The following GAK variants were observed in gnomAD, a reference collection of about 807,000 sequenced individuals.
GAK encodes cyclin G associated kinase.
Under a neutral mutation model 143.9 loss-of-function variants are expected in GAK, and 79 were observed. The observed-to-expected ratio is 0.55, with a 90% CI of 0.46 to 0.66. The LOEUF is 0.66. Among genes scored for constraint, GAK ranks in the 30% least tolerant of loss-of-function variants. The pLI is 0.00. For synonymous variants in GAK, 881 were observed against 765.5 expected (o/e 1.15, Z -2.49); for missense variants, 1,693 against 1,779.7 (o/e 0.95, Z 0.88).
chr4:923,921 A>G lies in GAK; in HGVS notation c.145+8122T>C, dbSNP rs569164529. On this transcript the variant is annotated intron_variant, in intron 1 of 27. Transcript: ENST00000314167. Reference sequence around the variant, plus strand: ...ACAAAAAGGCCAGGCGCCGTGGCTCATGCCTGTAATCCCAGCACTTTGGGA... The same window carrying G: ...ACAAAAAGGCCAGGCGCCGTGGCTCGTGCCTGTAATCCCAGCACTTTGGGA... Among the ~76,000 whole-genome samples, 4 of 152,298 alleles carry G rather than the reference A, an allele frequency of 2.6e-5. No homozygotes were observed. The East Asian group carries it at 7.7e-4, about 29-fold the overall frequency.
rs150706546 is a variant in GAK, at chr4:867,163, C to T, written c.2665G>A (p.Glu889Lys). The T allele has an allele frequency of 5.6e-5, 90 of 1,602,580 alleles. No individual in the cohort carries two copies. The highest frequency in any genetic ancestry group is 2.0e-4 in the African/African-American group (15 of 74,748). Residue 889 changes from glutamate to lysine, a missense_variant, in exon 21 of 28, where the codon GAG (glutamate) becomes AAG (lysine). Physicochemically the swap from Glu to Lys is moderately conservative, Grantham distance 56. Around this residue, in one of 2 missense-constraint regions of GAK, gnomAD observed 822 missense variants for 788.7 expected, o/e 1.04. Transcript: ENST00000314167. ...DGVDLLGLHS[E>K]VGAGPAVPPQ... is the part of the protein sequence containing the mutation. ...GGTACAGCTGGCCCTGCGCCCACCT[C>T]GGAGTGCAGGCCCAGGAGGTCGACC...
chr4:913,643 A>G lies in GAK; in HGVS notation c.171T>C (p.Ala57=), dbSNP rs983151630. The G allele has an allele frequency of 6.2e-7, 1 of 1,613,730 alleles. No individual in the cohort carries two copies. The highest frequency in any genetic ancestry group is 2.2e-5 in the East Asian group (1 of 44,888). ...AEGGFAFVYE[A]QDVGSGREYA... ...ACTCTCTGCCACTCCCCACATCTTG[A>G]GCTTCATACACAAATGCAAACCCTC... The change falls in exon 2 of 28, where the codon GCT becomes GCC. Residue 57 remains alanine, a synonymous_variant. Coordinates refer to ENST00000314167, the MANE Select transcript of GAK (RefSeq NM_005255.4).
chr4:910,823 G>A (rs1030305079), intron 4 of GAK, among the ~76,000 whole-genome samples: 3 of 152,042 alleles, frequency 2.0e-5, no homozygotes, highest in Admixed American at 2.0e-4. Context: ...AGGCCTCCCC[G>A]AGTGCTCGAC....
chr4:858,601 T>C (rs542783079), intron 24 of GAK, among the ~76,000 whole-genome samples: 3 of 152,134 alleles, frequency 2.0e-5, no homozygotes, highest in South Asian at 4.2e-4. Context: ...CCTCAAGACA[T>C]AGTAAATCCC....
intron 15 of GAK, among the ~76,000 whole-genome samples, chr4:880,331 G>C (rs549250080): frequency 1.3e-5 from 2 of 152,358 alleles, no homozygotes; most frequent in African/African-American, 4.8e-5. Context: ...TGCCCCACTG[G>C]ACCGTGCACT....
intron 1 of GAK, among the ~76,000 whole-genome samples, chr4:924,197 A>AC (rs34624153): frequency 6.6e-6 from 1 of 151,282 alleles, no homozygotes; most frequent in Non-Finnish European, 1.5e-5. Context: ...AAAAAAAAAA[A>AC]TTGCTGAACA....
At chr4:902,612 A>AAAAAAAAAAAAAC (rs1560401696) in intron 5 of GAK, among the ~76,000 whole-genome samples, 1 of 143,834 alleles carries the variant, frequency 7.0e-6, no homozygotes, top group African/African-American at 2.6e-5. Flanking sequence ...AAAAAAAAAA[A>AAAAAAAAAAAAAC]AACCCCAAAA....
chr4:914,435 T>C (rs1213102716), intron 1 of GAK, among the ~76,000 whole-genome samples: 4 of 63,692 alleles, frequency 6.3e-5, no homozygotes, highest in Non-Finnish European at 8.3e-5. Flanking sequence ...AGCCCCAGCG[T>C]GCACGGCCCC....
intron 16 of GAK, 118 bp from the exon 17 acceptor site, chr4:877,325 G>T: frequency 1.4e-6 from 1 of 737,608 alleles, no homozygotes; most frequent in Non-Finnish European, 2.3e-6. Context: ...AACCAATAAA[G>T]AATAACCCCC....
intron 11 of GAK, chr4:888,535 C>G (rs757564085): frequency 1.2e-4 from 40 of 327,714 alleles, no homozygotes; most frequent in Non-Finnish European, 1.7e-4. Context: ...ACCCAATTTA[C>G]AGAGTCCCGG....
intron 24 of GAK, among the ~76,000 whole-genome samples, chr4:857,282 C>T (rs764819768): frequency 2.6e-5 from 4 of 152,144 alleles, no homozygotes; most frequent in Non-Finnish European, 4.4e-5. Context: ...TTTCCCTTTC[C>T]GGTGCTGTTT....
intron 24 of GAK, among the ~76,000 whole-genome samples, chr4:855,858 G>A (rs1749030098): frequency 6.6e-6 from 1 of 152,252 alleles, no homozygotes; most frequent in African/African-American, 2.4e-5. Context: ...AGGAGGCTGA[G>A]GCGGGAGAAT....
At position 915,825 on chromosome 4, in the gene GAK, A is replaced by G. The variant is rs529644151; in HGVS notation, c.146-2157T>C. 11 of 152,330 alleles carry G rather than the reference A, an allele frequency of 7.2e-5. No individual in the cohort carries two copies. The South Asian group carries it at 2.3e-3, about 32-fold the overall frequency. 9.4% of individuals were successfully genotyped at this position (152,330 alleles called of 1,614,324 possible). A position where few individuals can be genotyped will look rare whatever the true frequency, so the allele number is the denominator to read the frequency against. On this transcript the variant is annotated intron_variant, in intron 1 of 27. Coordinates refer to ENST00000314167, the MANE Select transcript of GAK (RefSeq NM_005255.4). ...GAAGGAGGCGGGGATCCTTGTTCTC[A>G]CCACTGATGGTCGACACTGTGAGGA...
intron 11 of GAK, 34 bp from the exon 12 acceptor site, chr4:884,120 A>G (rs1715751876): frequency 6.3e-7 from 1 of 1,591,670 alleles, no homozygotes; most frequent in Non-Finnish European, 8.6e-7. Flanking sequence ...TGGTTATGAC[A>G]AGAAACACTC....
At chr4:930,217 T>C (rs1212990849) in intron 1 of GAK, among the ~76,000 whole-genome samples, 1 of 152,192 alleles carries the variant, frequency 6.6e-6, no homozygotes, top group Non-Finnish European at 1.5e-5. Flanking sequence ...TTTCACACTC[T>C]GTTTCAGTTC....
chr4:856,580 TCAC>T (rs33966084), intron 24 of GAK, among the ~76,000 whole-genome samples: 2,110 of 71,418 alleles, frequency 0.03, 90 homozygotes, highest in East Asian at 0.23. Flanking sequence ...CCACAGCTGC[TCAC>T]CACCACAGGT....
At chr4:859,330 C>A (rs1005917196) in intron 24 of GAK, 23 of 1,390,136 alleles carry the variant, frequency 1.7e-5, no homozygotes, top group Admixed American at 6.5e-5. Flanking sequence ...CCGATGGCCC[C>A]CATGGCCCTG....
intron 18 of GAK, among the ~76,000 whole-genome samples, chr4:875,091 C>T (rs1713567336): frequency 6.6e-6 from 1 of 152,206 alleles, no homozygotes; most frequent in Admixed American, 6.5e-5. Flanking sequence ...AATAATCAAT[C>T]AGTTACCAAA....
chr4:892,614 G>A (rs1202674393), intron 9 of GAK, among the ~76,000 whole-genome samples: 1 of 152,180 alleles, frequency 6.6e-6, no homozygotes, highest in African/African-American at 2.4e-5. Flanking sequence ...AGCAGCCACC[G>A]GTGCCTGGGA....
Sources: allele counts gnomAD v4.1 joint callset (sites outside exome capture counted in the v4.1 genomes callset), GRCh38; gene constraint gnomAD v4.1.1; regional missense constraint gnomAD v4.1.1; transcripts MANE v1.5; gene names NCBI Gene and HGNC (gene_info 2026-07-23, HGNC 2026-07-21).